The following NBEA variants were observed in gnomAD, a reference collection of about 807,000 sequenced individuals.
The protein encoded by NBEA is lysosomal-trafficking regulator 2.
In NBEA, 44 loss-of-function variants were observed where a neutral mutation model predicts 343.4. The ratio of observed to expected loss-of-function variants is 0.13; its 90% CI spans 0.10 to 0.16. The LOEUF (loss-of-function observed/expected upper bound fraction) is 0.16, where lower values mean the gene tolerates loss of function less well. Among genes scored for constraint, NBEA ranks in the 10% least tolerant of loss-of-function variants. NBEA has a pLI of 1.00. For synonymous variants in NBEA, 1,175 were observed against 1,238.7 expected, an observed-to-expected ratio of 0.95 and a Z score of 1.08; for missense variants, 2,555 against 3,631.3, an observed-to-expected ratio of 0.70 and a Z score of 7.62.
At chr13:35,251,574 C>A in intron 34 of NBEA, 1 of 1,206,274 alleles carries the variant, frequency 8.3e-7, no homozygotes, top group South Asian at 1.6e-5. Context: ...GGAAGGCGTT[C>A]ACAGAAGCAG....
At position 35,045,410 on chromosome 13, in the gene NBEA, T is replaced by G; in HGVS notation, c.723+9T>G. 6.3e-7 allele frequency: 1 copy of G among 1,576,880 alleles called. No individual in the cohort carries two copies. The highest frequency in any genetic ancestry group is 8.7e-7 in the Non-Finnish European group (1 of 1,152,928). On this transcript the variant is annotated intron_variant, in intron 4 of 58. Coordinates refer to ENST00000379939, the MANE Select transcript of NBEA (RefSeq NM_001385012.1). The stretch of plus-strand genomic sequence containing the variant: ...CTGGTTGTAGCGCTGCGGTAAGTTT[T>G]AAATACATGTGCTGATTTTTATTTA...
chr13:35,188,032 C>T (rs536467193), intron 30 of NBEA, among the ~76,000 whole-genome samples: 1 of 151,990 alleles, frequency 6.6e-6, no homozygotes, highest in Non-Finnish European at 1.5e-5. Flanking sequence ...AGCTTCCTTT[C>T]CATTATTATT....
chr13:35,116,187 T>A (rs893581244), intron 13 of NBEA, among the ~76,000 whole-genome samples: 2 of 152,150 alleles, frequency 1.3e-5, no homozygotes, highest in African/African-American at 2.4e-5. Context: ...ATTAATATGA[T>A]AGAAATCAGA....
chr13:35,216,960 T>A (rs1421113424), intron 33 of NBEA, among the ~76,000 whole-genome samples: 1 of 152,002 alleles, frequency 6.6e-6, no homozygotes, highest in Non-Finnish European at 1.5e-5. Context: ...ATTAGTTTTA[T>A]AAGAAACTGC....
intron 45 of NBEA, among the ~76,000 whole-genome samples, chr13:35,578,382 A>C (rs913427656): frequency 1.3e-5 from 2 of 152,304 alleles, no homozygotes; most frequent in Middle Eastern, 3.4e-3. Context: ...AGGGCCGGGC[A>C]TACTGGCTTA....
At position 35,182,988 on chromosome 13, in the gene NBEA, A is replaced by C. The variant is rs977454008; in HGVS notation, c.4831+460A>C. 2.6e-5 allele frequency among the ~76,000 whole-genome samples: 4 copies of C among 152,080 alleles called. No individual in the cohort carries two copies. In the East Asian group the frequency reaches 5.8e-4, roughly 22 times the overall value. ...AGTTAATTCAGTATCTAAATATTCTATCAGTGATTTATAATCAAACATGTG... is the reference window on the plus strand; with the variant it reads ...AGTTAATTCAGTATCTAAATATTCTCTCAGTGATTTATAATCAAACATGTG... On this transcript the variant is annotated intron_variant, in intron 29 of 58. Transcript: ENST00000379939.
chr13:35,543,611 A>G (rs1250020409), intron 41 of NBEA, among the ~76,000 whole-genome samples: 1 of 152,128 alleles, frequency 6.6e-6, no homozygotes, highest in Non-Finnish European at 1.5e-5. Flanking sequence ...TGATGCTCCT[A>G]CCCCTCAACA....
chr13:35,550,805 A>AT, intron 42 of NBEA, 125 bp from the exon 43 acceptor site: 1 of 673,846 alleles, frequency 1.5e-6, no homozygotes, highest in Non-Finnish European at 2.5e-6. Flanking sequence ...CTGAAAGCTG[A>AT]TTTTTCATGA....
At chr13:35,099,778 T>C (rs1230943811) in intron 11 of NBEA, among the ~76,000 whole-genome samples, 3 of 152,194 alleles carry the variant, frequency 2.0e-5, no homozygotes, top group African/African-American at 7.2e-5. Context: ...TGACCTCTTT[T>C]GCTTTAGTCA....
chr13:35,318,518 G>T (rs561962546), intron 36 of NBEA, among the ~76,000 whole-genome samples: 1 of 152,224 alleles, frequency 6.6e-6, no homozygotes, highest in East Asian at 1.9e-4. Flanking sequence ...TGTTATTGAG[G>T]ATTTTTGCAT....
chr13:35,124,815 CACAT>C (rs1197192489), intron 17 of NBEA, among the ~76,000 whole-genome samples: 1 of 150,474 alleles, frequency 6.6e-6, no homozygotes, highest in Non-Finnish European at 1.5e-5. Flanking sequence ...TATATACACA[CACAT>C]ATGGATATAT....
At chr13:35,596,136 T>A (rs1186345919) in intron 47 of NBEA, among the ~76,000 whole-genome samples, 1 of 151,706 alleles carries the variant, frequency 6.6e-6, no homozygotes, top group South Asian at 2.1e-4. Flanking sequence ...GTGTGTCCAG[T>A]CAAATATATT....
chr13:35,649,590 A>C, intron 51 of NBEA, 65 bp from the exon 52 acceptor site: 6 of 1,368,572 alleles, frequency 4.4e-6, no homozygotes, highest in African/African-American at 1.4e-5. Flanking sequence ...CATTCTCCCT[A>C]GACCTTTCAC....
At chr13:35,149,311 T>C (rs770796132) in intron 18 of NBEA, among the ~76,000 whole-genome samples, 35 of 152,200 alleles carry the variant, frequency 2.3e-4, no homozygotes, top group Non-Finnish European at 4.3e-4. Flanking sequence ...CTGTTTTTTA[T>C]TGGGCACTTC....
intron 38 of NBEA, among the ~76,000 whole-genome samples, chr13:35,354,854 C>CGCCAAG (rs2040403183): frequency 6.6e-6 from 1 of 152,112 alleles, no homozygotes; most frequent in African/African-American, 2.4e-5. Flanking sequence ...TCTCTCCCGT[C>CGCCAAG]GCCAGGTCTG....
intron 34 of NBEA, among the ~76,000 whole-genome samples, chr13:35,280,522 A>G (rs537039385): frequency 9.9e-5 from 15 of 152,246 alleles, no homozygotes; most frequent in East Asian, 9.7e-4. Flanking sequence ...TAGGAATTAC[A>G]TTAATAGCAT....
At chr13:35,053,895 T>C (rs1483485330) in intron 6 of NBEA, among the ~76,000 whole-genome samples, 1 of 152,078 alleles carries the variant, frequency 6.6e-6, no homozygotes, top group African/African-American at 2.4e-5. Flanking sequence ...TTTTCAGAGA[T>C]GAAAATAGGT....
intron 36 of NBEA, among the ~76,000 whole-genome samples, chr13:35,340,607 G>A (rs1199225341): frequency 6.6e-6 from 1 of 151,956 alleles, no homozygotes; most frequent in African/African-American, 2.4e-5. Context: ...ATTAAATGCT[G>A]TAAATTTTAT....
rs529770707 is a variant in NBEA, at chr13:35,668,835, A to T, written c.8813+316A>T. Among the ~76,000 whole-genome samples the T allele has an allele frequency of 2.0e-5, 3 of 152,332 alleles. No homozygotes were observed. The East Asian group carries it at 5.8e-4, about 29-fold the overall frequency. The stretch of plus-strand genomic sequence containing the variant: ...GTTCCTGCCTAGTCTCAGACAGGCC[A>T]CCCTGGCTTATATGATGTGAGGGAA... On this transcript the variant is annotated intron_variant, in intron 58 of 58. Coordinates refer to ENST00000379939, the MANE Select transcript of NBEA (RefSeq NM_001385012.1).
Sources: allele counts gnomAD v4.1 joint callset (sites outside exome capture counted in the v4.1 genomes callset), GRCh38; gene constraint gnomAD v4.1.1; transcripts MANE v1.5; gene names NCBI Gene and HGNC (gene_info 2026-07-23, HGNC 2026-07-21).